The following GUCY1A2 variants were observed in gnomAD, a reference collection of about 807,000 sequenced individuals.
GUCY1A2 encodes the protein guanylate cyclase 1 soluble subunit alpha 2.
In GUCY1A2, 27 loss-of-function variants were observed where a neutral mutation model predicts 63.5. The observed-to-expected ratio is 0.43, with a 90% CI of 0.31 to 0.59. The LOEUF (loss-of-function observed/expected upper bound fraction) is 0.59. GUCY1A2 is among the 20% of genes least tolerant of loss of function. GUCY1A2 has a pLI of 0.11. For synonymous variants in GUCY1A2, 364 were observed against 343.5 expected (o/e 1.06, Z -0.66); for missense variants, 768 against 913.3 (o/e 0.84, Z 2.05).
intron 6 of GUCY1A2, among the ~76,000 whole-genome samples, chr11:106,727,481 AC>A (rs1389479616): frequency 6.6e-6 from 1 of 152,132 alleles, no homozygotes; most frequent in African/African-American, 2.4e-5. Flanking sequence ...CCATTAGATG[AC>A]CTTAGCTTCT....
intron 6 of GUCY1A2, among the ~76,000 whole-genome samples, chr11:106,720,984 C>T (rs575073273): frequency 5.9e-5 from 9 of 151,744 alleles, no homozygotes; most frequent in Middle Eastern, 3.4e-3. Flanking sequence ...TTCTGAAAAA[C>T]GAAAAACATT....
At chr11:106,830,103 A>C (rs1472203138) in intron 4 of GUCY1A2, among the ~76,000 whole-genome samples, 1 of 152,204 alleles carries the variant, frequency 6.6e-6, no homozygotes, top group African/African-American at 2.4e-5. Flanking sequence ...GCATGTATAC[A>C]CTTGTACTAA....
intron 7 of GUCY1A2, among the ~76,000 whole-genome samples, chr11:106,699,822 C>A (rs1401466622): frequency 6.6e-6 from 1 of 151,536 alleles, no homozygotes; most frequent in Non-Finnish European, 1.5e-5. Flanking sequence ...CGGTCTGTCG[C>A]CCAGGCTGGA....
Position 106,680,401 on chromosome 11 carries a change from C to G in GUCY1A2, c.*7148G>C. On this transcript the variant is annotated 3_prime_UTR_variant, in exon 8 of 8. Coordinates refer to ENST00000526355, the MANE Select transcript of GUCY1A2 (RefSeq NM_000855.3). ...AAGACTGAATATAAAGTGATTTCTT[C>G]AGTTTAAAAATATGTATCAAAAGAA... is the stretch of plus-strand genomic sequence containing the variant. 4.8e-6 allele frequency: 1 copy of G among 208,176 alleles called. No homozygotes were observed. Among genetic ancestry groups the G allele is most frequent in the Non-Finnish European group, 9.8e-6 (1 of 102,116 alleles). The allele number at this position is 208,176 out of a possible 1,614,324, so 12.9% of individuals were successfully genotyped here.
intron 6 of GUCY1A2, among the ~76,000 whole-genome samples, chr11:106,722,990 TTATA>T (rs1320209467): frequency 6.6e-6 from 1 of 152,222 alleles, no homozygotes; most frequent in African/African-American, 2.4e-5. Context: ...TCACTATTAT[TTATA>T]TGTTTATATA....
chr11:106,764,191 T>C (rs1864118080), intron 6 of GUCY1A2, among the ~76,000 whole-genome samples: 1 of 152,160 alleles, frequency 6.6e-6, no homozygotes, highest in African/African-American at 2.4e-5. Flanking sequence ...CGATGTGAGT[T>C]TGCCTTGAGT....
At chr11:106,885,405 C>G (rs927200553) in intron 4 of GUCY1A2, among the ~76,000 whole-genome samples, 1 of 152,150 alleles carries the variant, frequency 6.6e-6, no homozygotes, top group Non-Finnish European at 1.5e-5. Context: ...GCATGGGACG[C>G]TCTGACCATG....
At chr11:106,993,039 A>G (rs1377158096) in intron 1 of GUCY1A2, among the ~76,000 whole-genome samples, 2 of 152,190 alleles carry the variant, frequency 1.3e-5, no homozygotes. Context: ...GAGGAATCCT[A>G]ACTCCATTCC....
chr11:106,860,112 T>C lies in GUCY1A2; in HGVS notation c.1207-49634A>G, dbSNP rs548182608. ...CTATTATTACTCAACATATTTAAAT[T>C]TTATGAATTACTTAAGTTTATGTTT... On this transcript the variant is annotated intron_variant, in intron 4 of 7. Transcript: ENST00000526355. Among the ~76,000 whole-genome samples, 26 of 151,804 alleles carry C rather than the reference T, an allele frequency of 1.7e-4. No individual in the cohort carries two copies. The East Asian group carries it at 5.0e-3, about 29-fold the overall frequency.
chr11:106,852,681 T>C (rs1444565085), intron 4 of GUCY1A2, among the ~76,000 whole-genome samples: 1 of 152,150 alleles, frequency 6.6e-6, no homozygotes, highest in Non-Finnish European at 1.5e-5. Context: ...TAAATGATCA[T>C]TTTGATGTGA....
rs530328197 is a variant in GUCY1A2, at chr11:106,806,948, G to C, written c.1692+3045C>G. ...TGATGATAGGAAAACATGGAGTAATGACATGAAGAAGAGAGGGGCAACCAC... is the reference window on the plus strand; with the variant it reads ...TGATGATAGGAAAACATGGAGTAATCACATGAAGAAGAGAGGGGCAACCAC... On this transcript the variant is annotated intron_variant, in intron 5 of 7. Coordinates refer to ENST00000526355, the MANE Select transcript of GUCY1A2 (RefSeq NM_000855.3). 1.6e-4 allele frequency among the ~76,000 whole-genome samples: 25 copies of C among 152,272 alleles called. 1 individual carries two copies. In the South Asian group the frequency reaches 5.2e-3, roughly 32 times the overall value.
Position 107,018,236 on chromosome 11 carries a change from T to C in GUCY1A2, c.-181A>G, listed in dbSNP as rs1861856957. 5.9e-6 allele frequency: 1 copy of C among 170,294 alleles called. No individual in the cohort carries two copies. Among genetic ancestry groups the C allele is most frequent in the African/African-American group, 2.5e-5 (1 of 40,282 alleles). 10.5% of individuals were successfully genotyped at this position (170,294 alleles called of 1,614,324 possible). A position where few individuals can be genotyped will look rare whatever the true frequency, so the allele number is the denominator to read the frequency against. On this transcript the variant is annotated 5_prime_UTR_variant, in exon 1 of 8. The change abolishes an upstream ATG in the 5' untranslated region. Coordinates refer to ENST00000526355, the MANE Select transcript of GUCY1A2 (RefSeq NM_000855.3). ...CGGAGCCCCCCGAGCCGGCTGCTCA[T>C]GGCGGGAACTTGGGGCGCCGCCGCA...
intron 3 of GUCY1A2, among the ~76,000 whole-genome samples, chr11:106,957,525 TGGGGAAGGGGC>T (rs1401802823): frequency 2.0e-5 from 3 of 151,902 alleles, no homozygotes; most frequent in African/African-American, 7.3e-5. Flanking sequence ...TCCTTTGGCT[TGGGGAAGGGGC>T]TTCCCCTTCC....
chr11:106,723,505 C>T (rs1863353263), intron 6 of GUCY1A2, among the ~76,000 whole-genome samples: 1 of 152,174 alleles, frequency 6.6e-6, no homozygotes, highest in South Asian at 2.1e-4. Context: ...CAGAACCTTC[C>T]TGGTACACAG....
Position 106,891,050 on chromosome 11 carries a change from C to T in GUCY1A2, c.1206+48410G>A, listed in dbSNP as rs181981785. ...GTATGATTAACATTACTAGTGATTG[C>T]CAAATAGTTGTGCAAAATGGTTATA... is the stretch of plus-strand genomic sequence containing the variant. On this transcript the variant is annotated intron_variant, in intron 4 of 7. Coordinates refer to ENST00000526355, the MANE Select transcript of GUCY1A2 (RefSeq NM_000855.3). Among the ~76,000 whole-genome samples the T allele has an allele frequency of 1.2e-4, 18 of 152,186 alleles. No individual in the cohort carries two copies. In the East Asian group the frequency reaches 1.9e-3, roughly 16 times the overall value.
intron 3 of GUCY1A2, among the ~76,000 whole-genome samples, chr11:106,958,046 G>A (rs1591343639): frequency 6.6e-6 from 1 of 152,088 alleles, no homozygotes; most frequent in Middle Eastern, 3.4e-3. Flanking sequence ...ACAGAAATTA[G>A]TATGTTATTG....
chr11:106,866,621 T>C (rs1442669667), intron 4 of GUCY1A2, among the ~76,000 whole-genome samples: 1 of 152,068 alleles, frequency 6.6e-6, no homozygotes, highest in African/African-American at 2.4e-5. Flanking sequence ...ATTTGGTCTG[T>C]GGTAATAATG....
At position 107,017,873 on chromosome 11, in the gene GUCY1A2, C is replaced by T. The variant is rs767605133; in HGVS notation, c.183G>A (p.Pro61=). Residue 61 remains proline, a synonymous_variant, in exon 1 of 8, where the codon CCG becomes CCA. Transcript: ENST00000526355. ...CGGCGGCGGCAGAAGCAGCCGGGGTCGGGGCCGGGGCGGCGGCAGCGGCAG... is the reference window on the plus strand; with the variant it reads ...CGGCGGCGGCAGAAGCAGCCGGGGTTGGGGCCGGGGCGGCGGCAGCGGCAG... ...AAAAAAAAPA[P]TPAASAAAAA... 3 of 1,247,968 alleles carry T rather than the reference C, an allele frequency of 2.4e-6. No homozygotes were observed. The highest frequency in any genetic ancestry group is 3.0e-6 in the Non-Finnish European group (3 of 994,152). 77.3% of individuals were successfully genotyped at this position (1,247,968 alleles called of 1,614,324 possible). A position where few individuals can be genotyped will look rare whatever the true frequency, so the allele number is the denominator to read the frequency against.
chr11:106,710,051 ATAAT>A (rs1256058304), intron 6 of GUCY1A2, among the ~76,000 whole-genome samples: 2 of 72,842 alleles, frequency 2.7e-5, no homozygotes, highest in African/African-American at 8.3e-5. Flanking sequence ...ATAGTTATAT[ATAAT>A]ATATACATGT....
Sources: gnomAD v4.1 joint callset for allele counts (sites outside exome capture counted in the v4.1 genomes callset) on GRCh38, gnomAD v4.1.1 for gene constraint, MANE v1.5 for transcripts, NCBI Gene and HGNC (gene_info 2026-07-23, HGNC 2026-07-21) for gene names.